The following ZCRB1 variants were observed in gnomAD, a reference collection of about 807,000 sequenced individuals.
ZCRB1 encodes zinc finger CCHC-type and RNA-binding motif-containing protein 1.
A neutral mutation model predicts 29.9 loss-of-function variants in ZCRB1; 21 were observed. The observed-to-expected ratio is 0.70, with a 90% CI of 0.50 to 1.01. The LOEUF (loss-of-function observed/expected upper bound fraction) is 1.01. Ranked by LOEUF, ZCRB1 falls within the 50% of genes least tolerant of loss-of-function variation. The pLI, the probability that ZCRB1 is intolerant of heterozygous loss-of-function variation, is 0.00. For synonymous variants in ZCRB1, 77 were observed against 80.0 expected (o/e 0.96, Z 0.20); for missense variants, 204 against 253.3 (o/e 0.81, Z 1.32).
At chr12:42,325,771 G>A (rs1279767713) in intron 1 of ZCRB1, 153 bp downstream of exon 1, 1 of 152,266 alleles carries the variant, frequency 6.6e-6, no homozygotes, top group Admixed American at 6.5e-5. Flanking sequence ...TTGAAACTAT[G>A]CGTTACACGT....
At chr12:42,317,935 A>G in intron 3 of ZCRB1, 37 bp from the exon 4 acceptor site, 1 of 1,538,178 alleles carries the variant, frequency 6.5e-7, no homozygotes, top group Non-Finnish European at 8.9e-7. Context: ...ATGAGGCAGC[A>G]ATAAATAAAA....
chr12:42,321,050 T>C (rs908825893), intron 3 of ZCRB1, among the ~76,000 whole-genome samples: 1 of 152,218 alleles, frequency 6.6e-6, no homozygotes, highest in Admixed American at 6.5e-5. Flanking sequence ...AGCTATTCCC[T>C]CTACCTGAAA....
Position 42,317,368 on chromosome 12 carries a change from A to C in ZCRB1, c.305T>G (p.Phe102Cys). The C allele has an allele frequency of 6.2e-7, 1 of 1,612,556 alleles. No homozygotes were observed. The highest frequency in any genetic ancestry group is 8.5e-7 in the Non-Finnish European group (1 of 1,179,578). Residue 102 changes from phenylalanine (F) to cysteine (C), a missense_variant, in exon 5 of 8, where the codon TTT becomes TGT. Phe to Cys is a radical substitution (Grantham distance 205). Transcript: ENST00000266529. ...AAEFIRRRNY[F>C]DKSKCYECGE... ...ACATTCATAACACTTAGATTTATCA[A>C]AGTAGTTTCGCCTTCGGATGAACTC...
In ZCRB1 at chr12:42,313,992, G is replaced by C. The variant is rs1444358979; in HGVS notation, c.334-6C>G. On this transcript the variant is annotated splice_polypyrimidine_tract_variant and splice_region_variant and intron_variant, in intron 5 of 7. Coordinates refer to ENST00000266529, the MANE Select transcript of ZCRB1 (RefSeq NM_033114.4). ...TAACTTAAGTGTCCACTTTCCTTTT[G>C]TTTCCCATTAAAAAGGAAAGGAAAA... 6.3e-7 allele frequency: 1 copy of C among 1,576,550 alleles called. No individual in the cohort carries two copies. The highest frequency in any genetic ancestry group is 2.2e-5 in the East Asian group (1 of 44,556).
chr12:42,322,558 C>G, intron 2 of ZCRB1, 112 bp from the exon 3 acceptor site: 1 of 1,168,088 alleles, frequency 8.6e-7, no homozygotes, highest in Non-Finnish European at 1.1e-6. Flanking sequence ...TAATTTCAGC[C>G]TTCAGTCTAT....
rs899903737 is a variant in ZCRB1 at position 42,317,958 on chromosome 12, C to T, written c.114-60G>A. On this transcript the variant is annotated intron_variant, in intron 3 of 7. Transcript: ENST00000266529. Reference sequence around the variant, plus strand: ...GCAATAAATAAAACAGATACTAATACTTGAAAAATTCATTTTAAAAAGGGC... The same window carrying T: ...GCAATAAATAAAACAGATACTAATATTTGAAAAATTCATTTTAAAAAGGGC... 6 of 1,347,604 alleles carry T rather than the reference C, an allele frequency of 4.5e-6. No individual in the cohort carries two copies. The Admixed American group carries it at 8.9e-5, about 20-fold the overall frequency. 83.5% of individuals were successfully genotyped at this position (1,347,604 alleles called of 1,614,324 possible). A position where few individuals can be genotyped will look rare whatever the true frequency, so the allele number is the denominator to read the frequency against.
At chr12:42,324,389 C>G (rs1212983826) in intron 1 of ZCRB1, among the ~76,000 whole-genome samples, 1 of 152,134 alleles carries the variant, frequency 6.6e-6, no homozygotes, top group Non-Finnish European at 1.5e-5. Context: ...CTCAAATGAT[C>G]CACCTGCCTC....
chr12:42,324,230 C>A, intron 1 of ZCRB1, 126 bp from the exon 2 acceptor site: 1 of 754,604 alleles, frequency 1.3e-6, no homozygotes, highest in Non-Finnish European at 2.3e-6. Context: ...CTCACTGCAA[C>A]CTCTGCTTCC....
Position 42,312,903 on chromosome 12 carries a change from C to T in ZCRB1, c.*164G>A, listed in dbSNP as rs951528615. The T allele has an allele frequency of 2.7e-6, 2 of 732,630 alleles. No individual in the cohort carries two copies. The highest frequency in any genetic ancestry group is 3.7e-6 in the Non-Finnish European group (2 of 535,062). 45.4% of individuals were successfully genotyped at this position (732,630 alleles called of 1,614,324 possible). A position where few individuals can be genotyped will look rare whatever the true frequency, so the allele number is the denominator to read the frequency against. Reference sequence around the variant, plus strand: ...AAACAAATCAGGCATGAATAAAGCCCTTATAATGAACTTTTCAAATAAATT... The same window carrying T: ...AAACAAATCAGGCATGAATAAAGCCTTTATAATGAACTTTTCAAATAAATT... On this transcript the variant is annotated 3_prime_UTR_variant, in exon 8 of 8. Coordinates refer to ENST00000266529, the MANE Select transcript of ZCRB1 (RefSeq NM_033114.4).
At chr12:42,317,492 C>A (rs2068600616) in intron 4 of ZCRB1, 45 bp from the exon 5 acceptor site, 5 of 1,418,452 alleles carry the variant, frequency 3.5e-6, no homozygotes. Flanking sequence ...TTCACTGAAA[C>A]CTAAAATTAA....
chr12:42,320,317 A>G (rs1473582237), intron 3 of ZCRB1, among the ~76,000 whole-genome samples: 1 of 152,178 alleles, frequency 6.6e-6, no homozygotes, highest in East Asian at 1.9e-4. Context: ...ACTTTATTTC[A>G]TAATGATCTC....
In ZCRB1 at chr12:42,317,878, T is replaced by C; in HGVS notation, c.134A>G (p.Lys45Arg). 2 of 1,613,702 alleles carry C rather than the reference T, an allele frequency of 1.2e-6. No individual in the cohort carries two copies. Among genetic ancestry groups the C allele is most frequent in the Non-Finnish European group, 1.7e-6 (2 of 1,179,778 alleles). Residue 45 changes from lysine to arginine, a missense_variant, in exon 4 of 8, where the codon AAA becomes AGA. Coordinates refer to ENST00000266529, the MANE Select transcript of ZCRB1 (RefSeq NM_033114.4). ...AACCCCTTTACTCTTCCTGGTATCT[T>C]TATCTTTCATGATGGTAACCCTTAA... ...KVVKVTIMKD[K>R]DTRKSKGVAF...
At chr12:42,314,095 T>G in intron 5 of ZCRB1, 109 bp from the exon 6 acceptor site, 3 of 1,090,356 alleles carry the variant, frequency 2.8e-6, no homozygotes, top group South Asian at 1.7e-5. Context: ...AAAAGGAATA[T>G]TCCCATACTG....
Position 42,313,187 on chromosome 12 carries a change from A to C in ZCRB1, c.534T>G (p.Ile178Met). 6.2e-7 allele frequency: 1 copy of C among 1,609,880 alleles called. No individual in the cohort carries two copies. The highest frequency in any genetic ancestry group is 1.1e-5 in the South Asian group (1 of 89,840). Residue 178 changes from isoleucine to methionine, a missense_variant, in exon 8 of 8, where the codon ATT (isoleucine) becomes ATG (methionine). Ile to Met is a conservative substitution (Grantham distance 10, BLOSUM62 1). Coordinates refer to ENST00000266529, the MANE Select transcript of ZCRB1 (RefSeq NM_033114.4). ...SQAIAFQQAK[I>M]EEEQKKWKPS... Reference sequence around the variant, plus strand: ...GTTTCCATTTTTTTTGTTCTTCTTCAATTTTGGCTTGCTGTGATTCAAAAA... The same window carrying C: ...GTTTCCATTTTTTTTGTTCTTCTTCCATTTTGGCTTGCTGTGATTCAAAAA...
rs538406381 is a variant in ZCRB1, at chr12:42,321,489, T to C, written c.113+929A>G. On this transcript the variant is annotated intron_variant, in intron 3 of 7. Transcript: ENST00000266529. ...AGAGATTAGAACAATGCCTGGCATA[T>C]ATATGTGCTCATTTAAGTATCACAT... Among the ~76,000 whole-genome samples the C allele has an allele frequency of 4.6e-5, 7 of 152,366 alleles. No individual in the cohort carries two copies. In the East Asian group the frequency reaches 9.6e-4, roughly 21 times the overall value.
intron 5 of ZCRB1, among the ~76,000 whole-genome samples, chr12:42,315,118 G>A (rs897808100): frequency 6.6e-6 from 1 of 152,130 alleles, no homozygotes; most frequent in Non-Finnish European, 1.5e-5. Flanking sequence ...GAATTGATAC[G>A]TACTGTAAAG....
At chr12:42,323,182 A>C (rs1334796518) in intron 2 of ZCRB1, among the ~76,000 whole-genome samples, 2 of 152,222 alleles carry the variant, frequency 1.3e-5, no homozygotes, top group Non-Finnish European at 2.9e-5. Flanking sequence ...TTCTATGATT[A>C]AGCTGTATAA....
At position 42,313,918 on chromosome 12, in the gene ZCRB1, TTTC is replaced by T; in HGVS notation, c.399_401del (p.Lys134del). ...GAGCTTTCTTTTTTTTCTTTTTTTC[TTTC>T]TTCTTTGGAGGCTCACGTTCTCCGA... On this transcript the variant is annotated inframe_deletion, in exon 6 of 8. Transcript: ENST00000266529. 6.2e-7 allele frequency: 1 copy of T among 1,605,382 alleles called. No individual in the cohort carries two copies. Among genetic ancestry groups the T allele is most frequent in the South Asian group, 1.1e-5 (1 of 87,968 alleles).
At chr12:42,320,383 T>C (rs2068615529) in intron 3 of ZCRB1, among the ~76,000 whole-genome samples, 1 of 152,152 alleles carries the variant, frequency 6.6e-6, no homozygotes, top group Non-Finnish European at 1.5e-5. Flanking sequence ...CCTGTACTAT[T>C]TTAGTACACA....
Sources: gnomAD v4.1 joint callset for allele counts (sites outside exome capture counted in the v4.1 genomes callset) on GRCh38, gnomAD v4.1.1 for gene constraint, MANE v1.5 for transcripts, NCBI Gene and HGNC (gene_info 2026-07-23, HGNC 2026-07-21) for gene names.